GRID2: variants seen among roughly 807,000 people sequenced by gnomAD.
GRID2 encodes the protein glutamate ionotropic receptor delta type subunit 2, also known as glutamate receptor ionotropic, delta-2.
Under a neutral mutation model 114.8 loss-of-function variants are expected in GRID2, and 33 were observed. That is an observed-to-expected ratio of 0.29 (90% confidence interval 0.22 to 0.38). GRID2 has a LOEUF of 0.38. Ranked by LOEUF, GRID2 falls within the 10% of genes least tolerant of loss-of-function variation. The probability of loss-of-function intolerance (pLI) is 1.00; values close to 1 mark genes in which losing one functional copy is unlikely to be tolerated. For synonymous variants in GRID2, 505 were observed against 449.9 expected (o/e 1.12, Z -1.55); for missense variants, 1,184 against 1,257.7 (o/e 0.94, Z 0.89).
chr4:93,097,354 A>C (rs1360368931), intron 3 of GRID2, among the ~76,000 whole-genome samples: 1 of 152,016 alleles, frequency 6.6e-6, no homozygotes, highest in Non-Finnish European at 1.5e-5. Flanking sequence ...GAAAAAGGAA[A>C]AAAAAACAAT....
At chr4:93,178,850 C>T (rs2904473) in intron 4 of GRID2, among the ~76,000 whole-genome samples, 87,645 of 151,798 alleles carry the variant, frequency 0.58, 26,509 homozygotes, top group Middle Eastern at 0.73. Flanking sequence ...TGTTTGATTA[C>T]TGAGCTTTTA....
At chr4:92,987,971 A>T (rs1473079041) in intron 2 of GRID2, among the ~76,000 whole-genome samples, 1 of 152,176 alleles carries the variant, frequency 6.6e-6, no homozygotes, top group East Asian at 1.9e-4. Flanking sequence ...TTCAGTGCAT[A>T]TTGTGTTACA....
chr4:93,071,608 A>G (rs1005968275), intron 2 of GRID2, among the ~76,000 whole-genome samples: 2 of 152,144 alleles, frequency 1.3e-5, no homozygotes, highest in Non-Finnish European at 2.9e-5. Flanking sequence ...ATGAAGGAAT[A>G]TCTAGGTGAG....
At chr4:92,976,796 A>G (rs1374014400) in intron 2 of GRID2, among the ~76,000 whole-genome samples, 1 of 152,186 alleles carries the variant, frequency 6.6e-6, no homozygotes, top group African/African-American at 2.4e-5. Flanking sequence ...TGGATATATT[A>G]GCCAGTTGGC....
intron 2 of GRID2, among the ~76,000 whole-genome samples, chr4:92,976,801 G>C (rs923050022): frequency 1.3e-5 from 2 of 152,142 alleles, no homozygotes; most frequent in Non-Finnish European, 2.9e-5. Context: ...ATATTAGCCA[G>C]TTGGCTTGAA....
chr4:92,807,957 C>T (rs1375146229), intron 2 of GRID2, among the ~76,000 whole-genome samples: 6 of 151,894 alleles, frequency 4.0e-5, no homozygotes, highest in African/African-American at 9.7e-5. Flanking sequence ...ATATTACCTA[C>T]TTGCAAAAAG....
intron 1 of GRID2, among the ~76,000 whole-genome samples, chr4:92,372,074 C>A (rs1405167388): frequency 6.6e-6 from 1 of 152,124 alleles, no homozygotes; most frequent in Non-Finnish European, 1.5e-5. Flanking sequence ...TGAATCGCTG[C>A]AATCTCATGA....
At chr4:92,466,362 A>G (rs1313198527) in intron 1 of GRID2, among the ~76,000 whole-genome samples, 2 of 151,734 alleles carry the variant, frequency 1.3e-5, no homozygotes, top group Non-Finnish European at 3.0e-5. Flanking sequence ...TTCTTTTTCT[A>G]TATTTAGTCT....
intron 3 of GRID2, among the ~76,000 whole-genome samples, chr4:93,104,403 C>T (rs1013142952): frequency 2.6e-5 from 4 of 151,982 alleles, no homozygotes; most frequent in South Asian, 2.1e-4. Context: ...GTGTGCTGCA[C>T]CCATTAACTC....
chr4:92,654,214 G>A (rs913100433), intron 2 of GRID2, among the ~76,000 whole-genome samples: 21 of 151,924 alleles, frequency 1.4e-4, no homozygotes, highest in Admixed American at 1.1e-3. Context: ...CTTGGTGAGG[G>A]CCCACTTCCT....
At chr4:92,618,764 C>T (rs374826562) in intron 2 of GRID2, among the ~76,000 whole-genome samples, 25 of 151,676 alleles carry the variant, frequency 1.6e-4, no homozygotes, top group Admixed American at 7.2e-4. Context: ...CTTACTATTC[C>T]GAGGTAATTT....
chr4:93,020,008 A>G (rs895714317), intron 2 of GRID2, among the ~76,000 whole-genome samples: 8 of 152,208 alleles, frequency 5.3e-5, no homozygotes, highest in Admixed American at 2.0e-4. Context: ...CTACTTATTA[A>G]TTCTGTGACA....
intron 4 of GRID2, among the ~76,000 whole-genome samples, chr4:93,205,468 C>G (rs1027649048): frequency 2.6e-5 from 4 of 152,174 alleles, no homozygotes; most frequent in South Asian, 2.1e-4. Context: ...TCATCCATGT[C>G]CCTACAAAGG....
At chr4:93,141,164 T>G (rs914745617) in intron 4 of GRID2, among the ~76,000 whole-genome samples, 1 of 152,192 alleles carries the variant, frequency 6.6e-6, no homozygotes, top group African/African-American at 2.4e-5. Context: ...GTAGTTCTAT[T>G]TATTTTGTGT....
chr4:92,446,048 C>T (rs548333780), intron 1 of GRID2, among the ~76,000 whole-genome samples: 15 of 152,266 alleles, frequency 9.9e-5, no homozygotes, highest in Admixed American at 8.5e-4. Context: ...CGGGTTCAAG[C>T]GATTCTCATG....
chr4:92,415,464 C>T (rs944117565), intron 1 of GRID2, among the ~76,000 whole-genome samples: 6 of 151,446 alleles, frequency 4.0e-5, no homozygotes, highest in African/African-American at 1.2e-4. Context: ...TATTCCTCAC[C>T]CTCCTCCCAC....
intron 1 of GRID2, among the ~76,000 whole-genome samples, chr4:92,383,568 GGACTAGTTTTCCCA>G (rs1729721699): frequency 1.3e-5 from 2 of 151,780 alleles, no homozygotes; most frequent in South Asian, 4.2e-4. Context: ...AAAGATAATG[GGACTAGTTTTCCCA>G]GTATTCTAAA....
intron 10 of GRID2, among the ~76,000 whole-genome samples, chr4:93,446,958 A>G (rs1580110017): frequency 6.6e-6 from 1 of 151,748 alleles, no homozygotes; most frequent in Non-Finnish European, 1.5e-5. Context: ...TTGATAATAC[A>G]TCATGTGCCT....
intron 11 of GRID2, among the ~76,000 whole-genome samples, chr4:93,483,557 C>CA (rs1317907233): frequency 6.6e-6 from 1 of 151,912 alleles, no homozygotes; most frequent in Non-Finnish European, 1.5e-5. Context: ...TATATACTCA[C>CA]ACAGAATAAG....
Sources: allele counts gnomAD v4.1 joint callset (sites outside exome capture counted in the v4.1 genomes callset), GRCh38; gene constraint gnomAD v4.1.1; transcripts MANE v1.5; gene names NCBI Gene and HGNC (gene_info 2026-07-23, HGNC 2026-07-21).